Variants in NLRC3 observed in about 807,000 individuals in gnomAD.
NLRC3 encodes the protein NLR family CARD domain-containing protein 3.
In NLRC3, 87 loss-of-function variants were observed where a neutral mutation model predicts 91.6. That is an observed-to-expected ratio of 0.95 (90% CI 0.80 to 1.14). NLRC3 has a LOEUF of 1.14. NLRC3 is among the 50% of genes most tolerant of loss of function. The pLI, the probability that NLRC3 is intolerant of heterozygous loss-of-function variation, is 0.00. For missense variants in NLRC3, 1,577 were observed against 1,418.6 expected (o/e 1.11, Z -1.79); for synonymous variants, 694 against 625.3 (o/e 1.11, Z -1.64).
chr16:3,572,110 A>C (rs2040118443), intron 1 of NLRC3, among the ~76,000 whole-genome samples: 1 of 152,154 alleles, frequency 6.6e-6, no homozygotes, highest in South Asian at 2.1e-4. Context: ...CAGAATTATG[A>C]ACCCCAAATG....
At chr16:3,572,246 T>C (rs1056541759) in intron 1 of NLRC3, among the ~76,000 whole-genome samples, 6 of 151,798 alleles carry the variant, frequency 4.0e-5, no homozygotes, top group Admixed American at 2.6e-4. Context: ...ATACGTCTCA[T>C]TGGTGAATAT....
chr16:3,560,532 A>ACC (rs150374362), intron 6 of NLRC3, among the ~76,000 whole-genome samples: 2,845 of 152,066 alleles, frequency 0.019, 96 homozygotes, highest in African/African-American at 0.061. Flanking sequence ...TCAACCACAA[A>ACC]CCCCGAGTGT....
chr16:3,539,681 C>T lies in NLRC3; in HGVS notation c.*2144G>A, dbSNP rs2038324591. 6.6e-6 allele frequency: 1 copy of T among 152,218 alleles called. No homozygotes were observed. The highest frequency in any genetic ancestry group is 2.4e-5 in the African/African-American group (1 of 41,450). 9.4% of individuals were successfully genotyped at this position (152,218 alleles called of 1,614,324 possible). The stretch of plus-strand genomic sequence containing the variant: ...AAAACAGCTGTCAATCTAGAAATCT[C>T]TGCCCCGCAAAAACTGTCATAAATA... On this transcript the variant is annotated 3_prime_UTR_variant, in exon 20 of 20. Transcript: ENST00000359128.
intron 5 of NLRC3, among the ~76,000 whole-genome samples, chr16:3,562,010 C>T (rs2151098465): frequency 6.6e-6 from 1 of 152,318 alleles, no homozygotes; most frequent in African/African-American, 2.4e-5. Flanking sequence ...CTTCCACGGG[C>T]TGTCGTCCTC....
chr16:3,549,898 G>A (rs2038906111), intron 11 of NLRC3, 118 bp from the exon 12 acceptor site: 2 of 645,704 alleles, frequency 3.1e-6, no homozygotes, highest in South Asian at 3.7e-5. Flanking sequence ...TCCAGGGACA[G>A]TGGTGGCCAC....
intron 8 of NLRC3, among the ~76,000 whole-genome samples, 184 bp from the exon 9 acceptor site, chr16:3,554,509 T>C (rs1015452699): frequency 6.6e-6 from 1 of 152,248 alleles, no homozygotes; most frequent in Admixed American, 6.5e-5. Context: ...TAGGTTTTTC[T>C]TTGAGTTGCT....
intron 1 of NLRC3, among the ~76,000 whole-genome samples, chr16:3,568,732 A>G (rs1274627940): frequency 6.6e-6 from 1 of 151,408 alleles, no homozygotes; most frequent in East Asian, 1.9e-4. Context: ...GTCTTAGGAG[A>G]AAAAAAAAGA....
rs903153254 is a variant in NLRC3, at chr16:3,539,734, C to A, written c.*2091G>T. 2.6e-5 allele frequency: 4 copies of A among 152,212 alleles called. No individual in the cohort carries two copies. Among genetic ancestry groups the A allele is most frequent in the Admixed American group, 2.6e-4 (4 of 15,282 alleles). The allele number at this position is 152,212 out of a possible 1,614,324, so 9.4% of individuals were successfully genotyped here. On this transcript the variant is annotated 3_prime_UTR_variant, in exon 20 of 20. Transcript: ENST00000359128. ...GCAAGACCCATGTTCAGATTTCCCC[C>A]CTTTTACAAATAATGTTTTGTTTTA...
chr16:3,563,961 A>G lies in NLRC3; in HGVS notation c.976T>C (p.Cys326Arg). The G allele has an allele frequency of 6.2e-7, 1 of 1,601,664 alleles. No homozygotes were observed. The highest frequency in any genetic ancestry group is 8.5e-7 in the Non-Finnish European group (1 of 1,176,754). ...VQADRALYLMCTVPAFCRLTG... is the reference protein window; with the variant it reads ...VQADRALYLMRTVPAFCRLTG... ...AGCCTGCAGAAGGCTGGGACGGTGC[A>G]CATCAGGTACAGGGCCCTGTCAGCC... Residue 326 changes from cysteine (C) to arginine (R), a missense_variant, in exon 5 of 20, where the codon TGC (cysteine) becomes CGC (arginine). Coordinates refer to ENST00000359128, the MANE Select transcript of NLRC3 (RefSeq NM_178844.4).
intron 6 of NLRC3, among the ~76,000 whole-genome samples, chr16:3,561,348 G>A (rs933958313): frequency 6.6e-6 from 1 of 152,104 alleles, no homozygotes; most frequent in Non-Finnish European, 1.5e-5. Context: ...CTGTCTGGGG[G>A]GGATAATTAT....
chr16:3,542,656 G>T (rs748834024), intron 18 of NLRC3, 36 bp downstream of exon 18: 4 of 1,332,656 alleles, frequency 3.0e-6, no homozygotes, highest in Non-Finnish European at 3.2e-6. Flanking sequence ...GAACTCTGCT[G>T]CTCCAGGATG....
In NLRC3 at chr16:3,540,187, G is replaced by A. The variant is rs1321609232; in HGVS notation, c.*1638C>T. On this transcript the variant is annotated 3_prime_UTR_variant, in exon 20 of 20. Coordinates refer to ENST00000359128, the MANE Select transcript of NLRC3 (RefSeq NM_178844.4). ...TAGGATATCACCTTTGTGGGGTGCCGTTTTGAGACTGCAAGGATATCATCT... is the reference window on the plus strand; with the variant it reads ...TAGGATATCACCTTTGTGGGGTGCCATTTTGAGACTGCAAGGATATCATCT... 2.0e-5 allele frequency: 3 copies of A among 152,186 alleles called. No individual in the cohort carries two copies. The highest frequency in any genetic ancestry group is 1.9e-4 in the East Asian group (1 of 5,200). The allele number at this position is 152,186 out of a possible 1,614,324, so 9.4% of individuals were successfully genotyped here.
chr16:3,573,635 T>C (rs1476693101), intron 1 of NLRC3, among the ~76,000 whole-genome samples: 1 of 152,124 alleles, frequency 6.6e-6, no homozygotes, highest in Non-Finnish European at 1.5e-5. Flanking sequence ...GCCCTGCTGC[T>C]GGGGGCGGGA....
In NLRC3 at chr16:3,564,590, C is replaced by T; in HGVS notation, c.347G>A (p.Gly116Glu). The T allele has an allele frequency of 6.2e-7, 1 of 1,611,376 alleles. No homozygotes were observed. The highest frequency in any genetic ancestry group is 8.5e-7 in the Non-Finnish European group (1 of 1,179,662). The part of the protein sequence containing the change: ...FTQVEATRGG[G>E]HPARTVALDR... Reference sequence around the variant, plus strand: ...CAGGGCGACGGTCCTGGCGGGGTGCCCGCCCCCGCGGGTGGCCTCCACCTG... The same window carrying T: ...CAGGGCGACGGTCCTGGCGGGGTGCTCGCCCCCGCGGGTGGCCTCCACCTG... Residue 116 changes from glycine to glutamate, a missense_variant, in exon 5 of 20, where the codon GGG (glycine) becomes GAG (glutamate). By Grantham distance (98) the Gly-to-Glu change is moderately conservative (BLOSUM62 -2). Coordinates refer to ENST00000359128, the MANE Select transcript of NLRC3 (RefSeq NM_178844.4). This position sits in a 1 kb window ranked among gnomAD's most constrained non-coding sequence, Gnocchi z 5.9.
intron 6 of NLRC3, among the ~76,000 whole-genome samples, chr16:3,561,160 G>A (rs890314449): frequency 2.0e-5 from 3 of 151,388 alleles, no homozygotes; most frequent in Non-Finnish European, 4.4e-5. Context: ...GGCCAGCCTG[G>A]TTAACATGGT....
At chr16:3,547,970 C>T (rs1243784335) in intron 15 of NLRC3, among the ~76,000 whole-genome samples, 165 bp downstream of exon 15, 3 of 152,196 alleles carry the variant, frequency 2.0e-5, no homozygotes, top group Non-Finnish European at 2.9e-5. Context: ...CGCACCCGGC[C>T]AATATATTTA....
At chr16:3,574,301 C>A (rs946610759) in intron 1 of NLRC3, among the ~76,000 whole-genome samples, 3 of 152,050 alleles carry the variant, frequency 2.0e-5, no homozygotes, top group African/African-American at 4.8e-5. Flanking sequence ...TTGTGGAGCA[C>A]GGCTTTTAAA....
chr16:3,546,190 G>A (rs2038680066), intron 15 of NLRC3, among the ~76,000 whole-genome samples: 1 of 152,088 alleles, frequency 6.6e-6, no homozygotes, highest in Non-Finnish European at 1.5e-5. Context: ...TTGAGCCCAG[G>A]AGTTCAAGAC....
chr16:3,551,389 CCTCTCTACCCACCCATCCACCCATCT>C (rs1567130726), intron 10 of NLRC3, among the ~76,000 whole-genome samples: 1 of 151,188 alleles, frequency 6.6e-6, no homozygotes, highest in Non-Finnish European at 1.5e-5. Flanking sequence ...TCCACCCATC[CCTCTCTACCCACCCATCCACCCATCT>C]ATTCACCCAT....
Sources: allele counts gnomAD v4.1 joint callset (sites outside exome capture counted in the v4.1 genomes callset), GRCh38; gene constraint gnomAD v4.1.1; non-coding constraint Gnocchi (gnomAD v3.1); transcripts MANE v1.5; gene names NCBI Gene and HGNC (gene_info 2026-07-23, HGNC 2026-07-21).